The following RBFOX1 variants were observed in gnomAD, a reference collection of about 807,000 sequenced individuals.
RBFOX1 encodes RNA binding protein fox-1 homolog 1.
RBFOX1 carries 8 observed loss-of-function variants against 57.7 expected under a neutral mutation model. The observed-to-expected ratio is 0.14, with a 90% CI of 0.08 to 0.25. The LOEUF (loss-of-function observed/expected upper bound fraction) is 0.25, where lower values mean the gene tolerates loss of function less well. Among genes scored for constraint, RBFOX1 ranks in the 10% least tolerant of loss-of-function variants. RBFOX1 has a pLI of 1.00. For synonymous variants in RBFOX1, 326 were observed against 222.4 expected (o/e 1.47, Z -4.15); for missense variants, 611 against 548.5 (o/e 1.11, Z -1.14).
intron 3 of RBFOX1, among the ~76,000 whole-genome samples, chr16:5,741,498 A>G (rs533367483): frequency 6.6e-6 from 1 of 152,268 alleles, no homozygotes; most frequent in Admixed American, 6.5e-5. Context: ...AAATGTTCTC[A>G]GAGCCACAGT....
In RBFOX1 at chr16:6,779,254, G is replaced by A. The variant is rs76726988; in HGVS notation, c.-16+124604G>A. Among the ~76,000 whole-genome samples the A allele has an allele frequency of 2.4e-3, 369 of 152,092 alleles. 4 individuals are homozygous for A. The highest frequency in any genetic ancestry group is 5.8e-3 in the African/African-American group (242 of 41,500). On this transcript the variant is annotated intron_variant, in intron 3 of 15. Transcript: ENST00000550418. Reference sequence around the variant, plus strand: ...ATTTTTTTAGCTCCCGCATTTGTATGAGCACATGCAATATTTGTCTTTCTG... The same window carrying A: ...ATTTTTTTAGCTCCCGCATTTGTATAAGCACATGCAATATTTGTCTTTCTG...
chr16:7,467,251 G>A (rs116715679), intron 4 of RBFOX1, among the ~76,000 whole-genome samples: 3,128 of 152,168 alleles, frequency 0.021, 51 homozygotes, highest in Middle Eastern at 0.048. Context: ...TCTCCTAGGC[G>A]ACCTCTCAAT....
intron 3 of RBFOX1, among the ~76,000 whole-genome samples, chr16:6,971,906 G>A (rs1244050236): frequency 6.6e-6 from 1 of 152,086 alleles, no homozygotes. Context: ...CAGCCTCAGT[G>A]GGGTGGTGAG....
chr16:6,147,357 CA>C (rs1428837506), intron 1 of RBFOX1, among the ~76,000 whole-genome samples: 3 of 152,186 alleles, frequency 2.0e-5, no homozygotes, highest in African/African-American at 7.2e-5. Flanking sequence ...TATGACCTAA[CA>C]CAACCCTTTC....
chr16:6,550,788 CAG>C (rs1482815825), intron 2 of RBFOX1, among the ~76,000 whole-genome samples: 3 of 152,218 alleles, frequency 2.0e-5, no homozygotes. Flanking sequence ...TCTTGAGAAA[CAG>C]AGTACTGTTT....
intron 2 of RBFOX1, among the ~76,000 whole-genome samples, chr16:6,563,412 G>C (rs17192298): frequency 0.52 from 78,644 of 151,970 alleles, 22,074 homozygotes; most frequent in East Asian, 0.73. Context: ...GAGAAACTGG[G>C]ATCCCCCCTA....
Position 5,798,617 on chromosome 16 carries a change from G to C in RBFOX1, c.319-68686G>C, listed in dbSNP as rs59204638. Among the ~76,000 whole-genome samples the C allele has an allele frequency of 4.4e-3, 677 of 152,306 alleles. 8 individuals are homozygous for C. Among genetic ancestry groups the C allele is most frequent in the African/African-American group, 0.016 (645 of 41,568 alleles). On this transcript the variant is annotated intron_variant, in intron 3 of 19. Coordinates refer to the RBFOX1 transcript ENST00000641259. ...ACTGGACGTTGGGTCTTGTGGTCTGGATCACTCACCTATATGCCTGTCTCC... is the reference window on the plus strand; with the variant it reads ...ACTGGACGTTGGGTCTTGTGGTCTGCATCACTCACCTATATGCCTGTCTCC...
At chr16:6,078,262 G>GTA (rs1334221246) in intron 1 of RBFOX1, among the ~76,000 whole-genome samples, 2 of 152,158 alleles carry the variant, frequency 1.3e-5, no homozygotes, top group Non-Finnish European at 2.9e-5. Flanking sequence ...AGGGTTTCTA[G>GTA]TATATTATGT....
chr16:6,347,446 G>T (rs2085564073), intron 2 of RBFOX1, among the ~76,000 whole-genome samples: 1 of 152,196 alleles, frequency 6.6e-6, no homozygotes, highest in South Asian at 2.1e-4. Context: ...TAAACAAATG[G>T]TTGCATGAGT....
chr16:6,920,250 A>G (rs1238175516), intron 3 of RBFOX1, among the ~76,000 whole-genome samples: 2 of 76,880 alleles, frequency 2.6e-5, no homozygotes, highest in South Asian at 8.3e-4. Context: ...GGGTATGCAC[A>G]TGTGTTTTTT....
intron 3 of RBFOX1, among the ~76,000 whole-genome samples, chr16:6,983,014 A>AT (rs1419922768): frequency 4.0e-5 from 6 of 148,276 alleles, no homozygotes; most frequent in African/African-American, 1.5e-4. Flanking sequence ...AAAAAAAAAA[A>AT]AAAGGAAAGG....
chr16:7,376,619 A>G (rs1180760769), intron 4 of RBFOX1, among the ~76,000 whole-genome samples: 1 of 152,206 alleles, frequency 6.6e-6, no homozygotes, highest in African/African-American at 2.4e-5. Context: ...ATTAATTACA[A>G]CTGTAATTAT....
At chr16:7,301,206 C>T (rs528321202) in intron 4 of RBFOX1, among the ~76,000 whole-genome samples, 164 of 152,268 alleles carry the variant, frequency 1.1e-3, no homozygotes, top group Non-Finnish European at 2.2e-3. Context: ...TGCCCTATTC[C>T]TGATTAAGGA....
intron 3 of RBFOX1, among the ~76,000 whole-genome samples, chr16:6,673,834 C>T (rs547104832): frequency 3.4e-4 from 51 of 152,074 alleles, no homozygotes; most frequent in Non-Finnish European, 6.6e-4. Flanking sequence ...ATAGCCAAGA[C>T]AGTGCTAGAG....
chr16:6,737,418 C>T (rs2154179465), intron 3 of RBFOX1, among the ~76,000 whole-genome samples: 1 of 152,196 alleles, frequency 6.6e-6, no homozygotes, highest in South Asian at 2.1e-4. Flanking sequence ...GTGTGCATCA[C>T]AGTATTAAAA....
chr16:7,291,125 A>G (rs754788256), intron 4 of RBFOX1, among the ~76,000 whole-genome samples: 4 of 152,200 alleles, frequency 2.6e-5, no homozygotes, highest in Non-Finnish European at 5.9e-5. Flanking sequence ...CCTAGGTTCA[A>G]GGTGACCAGT....
At chr16:6,651,433 G>A (rs892461233) in intron 2 of RBFOX1, among the ~76,000 whole-genome samples, 3 of 152,068 alleles carry the variant, frequency 2.0e-5, no homozygotes, top group African/African-American at 4.8e-5. Flanking sequence ...TGTCACACCT[G>A]GACTCCTGTG....
At chr16:5,482,395 T>G (rs181239643) in intron 2 of RBFOX1, among the ~76,000 whole-genome samples, 2 of 152,318 alleles carry the variant, frequency 1.3e-5, no homozygotes, top group Admixed American at 1.3e-4. Context: ...CTATTTCTCC[T>G]GCTTCCTGCA....
chr16:6,887,021 A>G (rs923260026), intron 3 of RBFOX1, among the ~76,000 whole-genome samples: 2 of 152,210 alleles, frequency 1.3e-5, no homozygotes, highest in Admixed American at 6.5e-5. Context: ...TGGTTTGATT[A>G]TCTTCCATAT....
Sources: gnomAD v4.1 joint callset for allele counts (sites outside exome capture counted in the v4.1 genomes callset) on GRCh38, gnomAD v4.1.1 for gene constraint, MANE v1.5 for transcripts, NCBI Gene and HGNC (gene_info 2026-07-23, HGNC 2026-07-21) for gene names.